ABCA13: variants seen among roughly 807,000 people sequenced by gnomAD.
The protein encoded by ABCA13 is ATP binding cassette subfamily A member 13, also known as ATP-binding cassette sub-family A member 13.
Under a neutral mutation model 478.7 loss-of-function variants are expected in ABCA13, and 476 were observed. That is an observed-to-expected ratio of 0.99 (90% CI 0.92 to 1.07). The LOEUF (loss-of-function observed/expected upper bound fraction) is 1.07, where lower values mean the gene tolerates loss of function less well. Ranked by LOEUF, ABCA13 falls within the 50% of genes least tolerant of loss-of-function variation. ABCA13 has a pLI of 0.00. For synonymous variants in ABCA13, 2,252 were observed against 2,158.9 expected (o/e 1.04, Z -1.20); for missense variants, 6,060 against 5,910.6 (o/e 1.03, Z -0.83).
chr7:48,613,526 A>G (rs1344144275), intron 58 of ABCA13, among the ~76,000 whole-genome samples: 2 of 142,488 alleles, frequency 1.4e-5, no homozygotes, highest in African/African-American at 4.9e-5. Context: ...GTTAAGACAC[A>G]ACGACTACAA....
intron 33 of ABCA13, among the ~76,000 whole-genome samples, chr7:48,373,115 G>A (rs1024938221): frequency 6.6e-6 from 1 of 152,282 alleles, no homozygotes; most frequent in Admixed American, 6.5e-5. Flanking sequence ...AGAGCCAGTG[G>A]CATCACTATA....
intron 47 of ABCA13, 138 bp from the exon 48 acceptor site, chr7:48,489,098 A>G (rs1829611119): frequency 1.6e-6 from 1 of 615,660 alleles, no homozygotes; most frequent in Non-Finnish European, 2.8e-6. Flanking sequence ...TCAGCCATGC[A>G]GGAACATTAC....
At position 48,298,362 on chromosome 7, in the gene ABCA13, G is replaced by A. The variant is rs750308666; in HGVS notation, c.9200-4G>A. 2.5e-6 allele frequency: 4 copies of A among 1,602,916 alleles called. No homozygotes were observed. The highest frequency in any genetic ancestry group is 3.5e-5 in the Admixed American group (2 of 57,758). On this transcript the variant is annotated splice_region_variant and splice_polypyrimidine_tract_variant and intron_variant, in intron 22 of 61. Coordinates refer to ENST00000435803, the MANE Select transcript of ABCA13 (RefSeq NM_152701.5). ...ACAAATTTCTTATTTTCCTTACTTT[G>A]CAGATGTAAAAATAAAAGATTTGAT...
chr7:48,370,961 T>G (rs2129023711), intron 32 of ABCA13, among the ~76,000 whole-genome samples: 1 of 152,282 alleles, frequency 6.6e-6, no homozygotes, highest in South Asian at 2.1e-4. Flanking sequence ...TTATATAAGG[T>G]TTAAGGAAGG....
chr7:48,436,470 T>G (rs1296004966), intron 42 of ABCA13, among the ~76,000 whole-genome samples: 1 of 151,852 alleles, frequency 6.6e-6, no homozygotes, highest in Non-Finnish European at 1.5e-5. Context: ...AAGAACAAAT[T>G]ATTGACTTCA....
At chr7:48,208,507 G>T (rs551315514) in intron 3 of ABCA13, among the ~76,000 whole-genome samples, 22 of 151,884 alleles carry the variant, frequency 1.4e-4, no homozygotes, top group Non-Finnish European at 2.5e-4. Flanking sequence ...AGTTTTCATT[G>T]CAAGGATTTT....
rs569594391 is a variant in ABCA13 at position 48,274,842 on chromosome 7, A to C, written c.5176A>C (p.Asn1726His). 6.2e-7 allele frequency: 1 copy of C among 1,613,968 alleles called. No individual in the cohort carries two copies. Among genetic ancestry groups the C allele is most frequent in the East Asian group, 2.2e-5 (1 of 44,878 alleles). The change falls in exon 17 of 62, where the codon AAT (asparagine) becomes CAT (histidine). Residue 1726 changes from asparagine to histidine, a missense_variant. Physicochemically the swap from Asn to His is moderately conservative, Grantham distance 68. Transcript: ENST00000435803. ...FADSSHSWNVNHLLQLSRLFP... is the reference protein window; with the variant it reads ...FADSSHSWNVHHLLQLSRLFP... The stretch of plus-strand genomic sequence containing the variant: ...AGACAGCTCACATTCTTGGAATGTT[A>C]ATCATCTGCTGCAGCTCTCACGCCT...
In ABCA13 at chr7:48,227,387, C is replaced by T. The variant is rs552914825; in HGVS notation, c.594C>T (p.Gly198=). 1 of 1,613,964 alleles carries T rather than the reference C, an allele frequency of 6.2e-7. No individual in the cohort carries two copies. Among genetic ancestry groups the T allele is most frequent in the Non-Finnish European group, 8.5e-7 (1 of 1,179,884 alleles). The change falls in exon 6 of 62, where the codon GGC becomes GGT. Residue 198 remains glycine (G), a synonymous_variant. Transcript: ENST00000435803. Reference sequence around the variant, plus strand: ...CAAGCCATGATCATGTGGAAGATGGCATGGATGTTGCAGTGAACCTTCTCC... The same window carrying T: ...CAAGCCATGATCATGTGGAAGATGGTATGGATGTTGCAGTGAACCTTCTCC... ...LHTSHDHVED[G]MDVAVNLLQT... is the part of the protein sequence containing the mutation.
intron 42 of ABCA13, 90 bp downstream of exon 42, chr7:48,427,961 A>G: frequency 1.1e-6 from 1 of 898,198 alleles, no homozygotes; most frequent in Non-Finnish European, 1.6e-6. Flanking sequence ...TTGTATAGCA[A>G]GGTTCTGAAG....
intron 13 of ABCA13, among the ~76,000 whole-genome samples, chr7:48,246,961 A>G (rs1791788215): frequency 6.6e-6 from 1 of 152,138 alleles, no homozygotes; most frequent in African/African-American, 2.4e-5. Flanking sequence ...AGGGCTGGGC[A>G]TAGTAGCTCA....
At chr7:48,587,914 T>C (rs1789350930) in intron 57 of ABCA13, among the ~76,000 whole-genome samples, 1 of 152,224 alleles carries the variant, frequency 6.6e-6, no homozygotes, top group Non-Finnish European at 1.5e-5. Flanking sequence ...TTAATACAAG[T>C]AATGCCATTG....
chr7:48,529,874 C>T (rs1833108309), intron 55 of ABCA13, among the ~76,000 whole-genome samples: 1 of 152,026 alleles, frequency 6.6e-6, no homozygotes. Flanking sequence ...ATTAATGAAA[C>T]AGTTTTCTAC....
chr7:48,421,190 C>A (rs1820694219), intron 41 of ABCA13, among the ~76,000 whole-genome samples: 1 of 120,540 alleles, frequency 8.3e-6, no homozygotes, highest in African/African-American at 3.2e-5. Flanking sequence ...AGTTAATTTC[C>A]TTTTCTCTCT....
chr7:48,318,690 T>C (rs572893960), intron 27 of ABCA13, among the ~76,000 whole-genome samples: 79 of 152,204 alleles, frequency 5.2e-4, no homozygotes, highest in African/African-American at 1.8e-3. Flanking sequence ...ACAGCTGCCA[T>C]CCCAGGACTG....
intron 59 of ABCA13, among the ~76,000 whole-genome samples, 177 bp downstream of exon 59, chr7:48,615,554 A>G (rs1792487587): frequency 6.6e-6 from 1 of 151,810 alleles, no homozygotes; most frequent in Non-Finnish European, 1.5e-5. Flanking sequence ...ACACATAGCA[A>G]CTCCCAAACA....
At chr7:48,196,317 T>C (rs1032338335) in intron 2 of ABCA13, among the ~76,000 whole-genome samples, 8 of 152,158 alleles carry the variant, frequency 5.3e-5, no homozygotes, top group Admixed American at 3.9e-4. Flanking sequence ...CTGGAAATGT[T>C]TCCTAGAGGT....
rs1260732038 is a variant in ABCA13 at position 48,272,319 on chromosome 7, C to T, written c.2653C>T (p.Pro885Ser). The T allele has an allele frequency of 1.2e-6, 2 of 1,613,708 alleles. No homozygotes were observed. Among genetic ancestry groups the T allele is most frequent in the Non-Finnish European group, 1.7e-6 (2 of 1,179,740 alleles). The part of the protein sequence containing the change: ...QLFHSDWPKS[P>S]AMNIDFVRLS... Reference sequence around the variant, plus strand: ...GTTCCATTCAGATTGGCCTAAATCACCAGCTATGAACATAGATTTTGTACG... The same window carrying T: ...GTTCCATTCAGATTGGCCTAAATCATCAGCTATGAACATAGATTTTGTACG... Residue 885 changes from proline to serine, a missense_variant, in exon 17 of 62, where the codon CCA (proline) becomes TCA (serine). This residue lies in a region of ABCA13 where 4,423 missense variants were observed against 4,309.1 expected (regional missense o/e 1.03). Transcript: ENST00000435803.
chr7:48,544,316 C>G (rs114763587), intron 55 of ABCA13, among the ~76,000 whole-genome samples: 7 of 151,690 alleles, frequency 4.6e-5, no homozygotes, highest in Non-Finnish European at 7.4e-5. Flanking sequence ...AATGTCCAAA[C>G]TGATGTAATT....
intron 58 of ABCA13, among the ~76,000 whole-genome samples, chr7:48,614,067 A>G (rs986581940): frequency 2.0e-5 from 3 of 149,368 alleles, no homozygotes; most frequent in Admixed American, 6.8e-5. Context: ...AATATTTAAT[A>G]TTTATACTAA....
Sources: gnomAD v4.1 joint callset for allele counts (sites outside exome capture counted in the v4.1 genomes callset) on GRCh38, gnomAD v4.1.1 for gene constraint, gnomAD v4.1.1 regional missense constraint, MANE v1.5 for transcripts, NCBI Gene and HGNC (gene_info 2026-07-23, HGNC 2026-07-21) for gene names.